KLHL4: variants seen among roughly 807,000 people sequenced by gnomAD.
The protein encoded by KLHL4 is kelch like family member 4, also known as kelch-like protein 4.
In KLHL4, 17 loss-of-function variants were observed where a neutral mutation model predicts 45.8. That is an observed-to-expected ratio of 0.37 (90% CI 0.25 to 0.56). The LOEUF is 0.56. Ranked by LOEUF, KLHL4 falls within the 20% of genes least tolerant of loss-of-function variation. KLHL4 has a pLI of 0.79. For missense variants in KLHL4, 544 were observed against 544.9 expected (o/e 1.00, Z 0.02); for synonymous variants, 224 against 189.9 (o/e 1.18, Z -1.47).
At chrX:87,538,286 A>G (rs1351066252) in intron 1 of KLHL4, among the ~76,000 whole-genome samples, 1 of 111,374 alleles carries the variant, frequency 9.0e-6, no homozygotes, top group Non-Finnish European at 1.9e-5. Context: ...CATATATGTT[A>G]GGGATGACTA....
intron 1 of KLHL4, among the ~76,000 whole-genome samples, chrX:87,555,489 T>G (rs1303839680): frequency 2.7e-5 from 3 of 110,981 alleles, no homozygotes; most frequent in Admixed American, 9.6e-5. Flanking sequence ...CTTCTAGATT[T>G]TGTAGTTTAT....
chrX:87,611,073 C>T (rs1922354469), intron 1 of KLHL4, among the ~76,000 whole-genome samples: 1 of 110,198 alleles, frequency 9.1e-6, no homozygotes. Flanking sequence ...GATTCTGTCT[C>T]TTCTTAAAAA....
intron 1 of KLHL4, among the ~76,000 whole-genome samples, chrX:87,531,166 G>A (rs1194485255): frequency 9.3e-6 from 1 of 107,222 alleles, no homozygotes; most frequent in Non-Finnish European, 2.0e-5. Context: ...CTGGATATTA[G>A]CCCTTTGTCA....
intron 9 of KLHL4, among the ~76,000 whole-genome samples, chrX:87,649,470 T>G (rs780364835): frequency 1.2e-4 from 13 of 111,703 alleles, no homozygotes; most frequent in Non-Finnish European, 2.3e-4. Context: ...TTTCATAGAT[T>G]TCCTGGTCAC....
intron 1 of KLHL4, among the ~76,000 whole-genome samples, chrX:87,525,441 T>C (rs1198851226): frequency 9.0e-6 from 1 of 111,477 alleles, no homozygotes; most frequent in African/African-American, 3.2e-5. Flanking sequence ...AAGAAAAATA[T>C]AGTCATTAAG....
Position 87,669,666 on chromosome X carries a change from C to T in KLHL4, c.*3132C>T, listed in dbSNP as rs766621002. The T allele has an allele frequency of 1.4e-3, 325 of 236,309 alleles. 1 individual carries two copies. The highest frequency in any genetic ancestry group is 0.013 in the Middle Eastern group (9 of 716). The allele number at this position is 236,309 out of a possible 1,213,427, so 19.5% of individuals were successfully genotyped here. On this transcript the variant is annotated 3_prime_UTR_variant, in exon 11 of 11. Coordinates refer to ENST00000373119, the MANE Select transcript of KLHL4 (RefSeq NM_019117.5). Reference sequence around the variant, plus strand: ...GTCATCATTCTATGTTTACTTTCTCCCAATCACATCACCTGAGGTAGAAGA... The same window carrying T: ...GTCATCATTCTATGTTTACTTTCTCTCAATCACATCACCTGAGGTAGAAGA...
At position 87,546,682 on chromosome X, in the gene KLHL4, ACT is replaced by A. The variant is rs1931691410; in HGVS notation, c.422+28369_422+28370del. Among the ~76,000 whole-genome samples, 4 of 112,272 alleles carry A rather than the reference ACT, an allele frequency of 3.6e-5. No individual in the cohort carries two copies. The South Asian group carries it at 1.5e-3, about 41-fold the overall frequency. On this transcript the variant is annotated intron_variant, in intron 1 of 10. Transcript: ENST00000373119. ...CCATGTACCTGGAAAAGCCACAGAC[ACT>A]CAACACCAGCTGTGAAAGCAGCCAG... is the stretch of plus-strand genomic sequence containing the variant.
intron 9 of KLHL4, among the ~76,000 whole-genome samples, chrX:87,642,517 A>G (rs895714099): frequency 8.9e-6 from 1 of 112,081 alleles, no homozygotes; most frequent in African/African-American, 3.2e-5. Context: ...GAATCACACT[A>G]GTTCACCAGC....
chrX:87,595,660 C>A (rs1330596779), intron 1 of KLHL4, among the ~76,000 whole-genome samples: 2 of 110,658 alleles, frequency 1.8e-5, no homozygotes, highest in Non-Finnish European at 3.8e-5. Context: ...ATTACTTGGC[C>A]ATTTGAGTAA....
At chrX:87,550,617 A>C (rs1931790765) in intron 1 of KLHL4, among the ~76,000 whole-genome samples, 1 of 111,594 alleles carries the variant, frequency 9.0e-6, no homozygotes, top group African/African-American at 3.3e-5. Flanking sequence ...ACAAAATAGT[A>C]GCTAACTGAA....
chrX:87,612,211 C>T (rs770369710), intron 1 of KLHL4, among the ~76,000 whole-genome samples: 14 of 111,789 alleles, frequency 1.3e-4, no homozygotes, highest in Non-Finnish European at 2.4e-4. Context: ...CACATTAACT[C>T]ACCATTCACT....
At chrX:87,546,226 G>GA (rs759270997) in intron 1 of KLHL4, among the ~76,000 whole-genome samples, 1 of 111,220 alleles carries the variant, frequency 9.0e-6, no homozygotes, top group Non-Finnish European at 1.9e-5. Context: ...GGCATATGAG[G>GA]AAAAAATTGT....
rs1177659806 is a variant in KLHL4, at chrX:87,554,355, GAAT to G, written c.422+36041_422+36043del. Among the ~76,000 whole-genome samples the G allele has an allele frequency of 2.2e-5, 2 of 92,309 alleles. 1 individual carries two copies. The highest frequency in any genetic ancestry group is 4.2e-5 in the Non-Finnish European group (2 of 48,077). The allele number at this position is 92,309 out of a possible 115,157, so 80.2% of individuals were successfully genotyped here. On this transcript the variant is annotated intron_variant, in intron 1 of 10. Coordinates refer to ENST00000373119, the MANE Select transcript of KLHL4 (RefSeq NM_019117.5). ...TTGATTCTTCCTACTCATGAGCATGGAATGTTCTTCCATTTGTTTGTATCCTCT... is the reference window on the plus strand; with the variant it reads ...TTGATTCTTCCTACTCATGAGCATGGGTTCTTCCATTTGTTTGTATCCTCT...
At chrX:87,647,094 C>A (rs1481149442) in intron 9 of KLHL4, among the ~76,000 whole-genome samples, 1 of 111,700 alleles carries the variant, frequency 9.0e-6, no homozygotes, top group Non-Finnish European at 1.9e-5. Context: ...AGACAACTCT[C>A]AAAAGAAGAT....
rs371880973 is a variant in KLHL4, at chrX:87,613,847, A to G, written c.423-30A>G. On this transcript the variant is annotated intron_variant, in intron 1 of 10. Transcript: ENST00000373119. ...AATTTTTTACAAAATTATATGATGAACCATATTCTCATCCTTACTTCCTTT... is the reference window on the plus strand; with the variant it reads ...AATTTTTTACAAAATTATATGATGAGCCATATTCTCATCCTTACTTCCTTT... 2.3e-5 allele frequency: 25 copies of G among 1,075,032 alleles called. No individual in the cohort carries two copies. In the African/African-American group the frequency reaches 4.3e-4, roughly 19 times the overall value. The allele number at this position is 1,075,032 out of a possible 1,213,427, so 88.6% of individuals were successfully genotyped here.
At chrX:87,611,520 C>T (rs1436464171) in intron 1 of KLHL4, among the ~76,000 whole-genome samples, 1 of 110,962 alleles carries the variant, frequency 9.0e-6, no homozygotes, top group Non-Finnish European at 1.9e-5. Context: ...GTTCACAATG[C>T]ACTACTCACA....
chrX:87,533,964 G>A (rs933221689), intron 1 of KLHL4, among the ~76,000 whole-genome samples: 12 of 111,437 alleles, frequency 1.1e-4, no homozygotes, highest in African/African-American at 3.6e-4. Flanking sequence ...ATTTCAATTA[G>A]GAGTGATGAT....
chrX:87,563,144 C>A (rs986588051), intron 1 of KLHL4, among the ~76,000 whole-genome samples: 2 of 110,592 alleles, frequency 1.8e-5, no homozygotes, highest in Non-Finnish European at 3.8e-5. Context: ...TGAAAAAATT[C>A]TTCTCAAGAA....
intron 9 of KLHL4, among the ~76,000 whole-genome samples, chrX:87,640,208 C>T (rs779051413): frequency 9.0e-6 from 1 of 110,600 alleles, no homozygotes; most frequent in Admixed American, 9.6e-5. Flanking sequence ...TAAAAAGTTA[C>T]CAACAAAAAA....
Sources: gnomAD v4.1 joint callset for allele counts (sites outside exome capture counted in the v4.1 genomes callset) on GRCh38, gnomAD v4.1.1 for gene constraint, MANE v1.5 for transcripts, NCBI Gene and HGNC (gene_info 2026-07-23, HGNC 2026-07-21) for gene names.